Variants in SLC8A3 observed in about 807,000 individuals in gnomAD.
The protein encoded by SLC8A3 is sodium/calcium exchanger 3.
A neutral mutation model predicts 65.4 loss-of-function variants in SLC8A3; 37 were observed. The observed-to-expected ratio is 0.57, with a 90% CI of 0.44 to 0.74. The LOEUF (loss-of-function observed/expected upper bound fraction) is 0.74, where lower values mean the gene tolerates loss of function less well. SLC8A3 is among the 30% of genes least tolerant of loss of function. The pLI is 0.00. For missense variants in SLC8A3, 1,112 were observed against 1,172.1 expected (o/e 0.95, Z 0.75); for synonymous variants, 461 against 444.5 (o/e 1.04, Z -0.47).
At chr14:70,131,757 A>G (rs1218186628) in intron 2 of SLC8A3, among the ~76,000 whole-genome samples, 1 of 152,226 alleles carries the variant, frequency 6.6e-6, no homozygotes, top group African/African-American at 2.4e-5. Context: ...TATATGCGTG[A>G]AAATCAGGTT....
chr14:70,132,298 T>C (rs1894890508), intron 2 of SLC8A3, among the ~76,000 whole-genome samples: 1 of 152,242 alleles, frequency 6.6e-6, no homozygotes, highest in Non-Finnish European at 1.5e-5. Flanking sequence ...TTCACTGTAA[T>C]ATTTGGGAGC....
chr14:70,121,853 A>G (rs1004245046), intron 2 of SLC8A3, among the ~76,000 whole-genome samples: 9 of 152,146 alleles, frequency 5.9e-5, no homozygotes, highest in African/African-American at 9.7e-5. Context: ...AAAAACAAAC[A>G]AACAATTCTG....
chr14:70,133,759 G>A (rs1160355109), intron 2 of SLC8A3, among the ~76,000 whole-genome samples: 1 of 152,146 alleles, frequency 6.6e-6, no homozygotes, highest in Non-Finnish European at 1.5e-5. Context: ...ACAATTCTGG[G>A]GCTTGGGAGA....
At chr14:70,088,886 T>A (rs1210286296) in intron 2 of SLC8A3, among the ~76,000 whole-genome samples, 1 of 152,182 alleles carries the variant, frequency 6.6e-6, no homozygotes, top group Admixed American at 6.5e-5. Flanking sequence ...TTTTACCTAC[T>A]TCTACCTCAT....
intron 1 of SLC8A3, among the ~76,000 whole-genome samples, chr14:70,179,533 G>A (rs550333125): frequency 6.6e-6 from 1 of 152,164 alleles, no homozygotes; most frequent in East Asian, 1.9e-4. Context: ...TTCCTGGCAA[G>A]CCTTAGGGTA....
At chr14:70,061,950 C>A (rs1015016980) in intron 2 of SLC8A3, among the ~76,000 whole-genome samples, 5 of 152,112 alleles carry the variant, frequency 3.3e-5, no homozygotes, top group African/African-American at 1.2e-4. Context: ...TCACTGCCCT[C>A]CAAAGACTGG....
rs1340068216 is a variant in SLC8A3, at chr14:70,076,143, T to C, written c.1785-15204A>G. Among the ~76,000 whole-genome samples the C allele has an allele frequency of 2.6e-5, 4 of 152,312 alleles. No individual in the cohort carries two copies. The East Asian group carries it at 7.7e-4, about 29-fold the overall frequency. On this transcript the variant is annotated intron_variant, in intron 2 of 6. Coordinates refer to ENST00000356921, the MANE Select transcript of SLC8A3 (RefSeq NM_182932.3). ...CAAATATCTTGTCCTCATTCCTGCC[T>C]CAGGGCCTCTGCACTACCTGCTTCC... is the stretch of plus-strand genomic sequence containing the variant.
chr14:70,175,344 G>A (rs1897833657), intron 1 of SLC8A3, among the ~76,000 whole-genome samples: 1 of 152,118 alleles, frequency 6.6e-6, no homozygotes, highest in South Asian at 2.1e-4. Context: ...GAGGAGATAG[G>A]GGCCTCAAAG....
intron 2 of SLC8A3, among the ~76,000 whole-genome samples, chr14:70,146,472 G>A (rs906530732): frequency 6.6e-6 from 1 of 152,152 alleles, no homozygotes; most frequent in African/African-American, 2.4e-5. Context: ...ACGAAGCCCA[G>A]CAAGGGAAAA....
intron 2 of SLC8A3, among the ~76,000 whole-genome samples, chr14:70,118,829 TACAC>T (rs143481773): frequency 6.6e-6 from 1 of 151,964 alleles, no homozygotes; most frequent in Non-Finnish European, 1.5e-5. Context: ...CAAGCAGTTG[TACAC>T]ACACACACAA....
At chr14:70,155,989 T>A (rs1470174327) in intron 2 of SLC8A3, among the ~76,000 whole-genome samples, 2 of 152,214 alleles carry the variant, frequency 1.3e-5, no homozygotes, top group Non-Finnish European at 2.9e-5. Context: ...CATCATAATA[T>A]CACTAGCTAT....
chr14:70,127,586 G>A (rs1431606980), intron 2 of SLC8A3, among the ~76,000 whole-genome samples: 6 of 152,178 alleles, frequency 3.9e-5, no homozygotes, highest in Admixed American at 3.3e-4. Flanking sequence ...TTTTCCCTGT[G>A]CTGGATTTCC....
chr14:70,152,971 T>A (rs768221741), intron 2 of SLC8A3, among the ~76,000 whole-genome samples: 1 of 152,146 alleles, frequency 6.6e-6, no homozygotes, highest in Non-Finnish European at 1.5e-5. Context: ...CAGAGGTAGC[T>A]GAGCAGCACA....
In SLC8A3 at chr14:70,069,845, C is replaced by T. The variant is rs563654412; in HGVS notation, c.1785-8906G>A. ...CTCAAACTTTAATGTGCACATGAAT[C>T]ACCCAAGCATCTTGTTAATGTGTGG... On this transcript the variant is annotated intron_variant, in intron 2 of 6. Transcript: ENST00000356921. Among the ~76,000 whole-genome samples the T allele has an allele frequency of 2.6e-5, 4 of 152,300 alleles. No homozygotes were observed. The East Asian group carries it at 5.8e-4, about 22-fold the overall frequency.
chr14:70,050,901 AAC>A, intron 5 of SLC8A3, 105 bp downstream of exon 5: 1 of 688,382 alleles, frequency 1.5e-6, no homozygotes, highest in Non-Finnish European at 2.6e-6. Flanking sequence ...GGGAAGACTG[AAC>A]ACACAAGCCT....
chr14:70,060,081 G>A (rs1193173109), intron 3 of SLC8A3: 1 of 152,906 alleles, frequency 6.5e-6, no homozygotes, highest in African/African-American at 2.4e-5. Flanking sequence ...TACCCCAGAA[G>A]TCAACTCTCT....
intron 2 of SLC8A3, among the ~76,000 whole-genome samples, chr14:70,105,058 G>A (rs1045082056): frequency 1.3e-5 from 2 of 152,156 alleles, no homozygotes; most frequent in Admixed American, 6.5e-5. Flanking sequence ...GGCCAGGCGC[G>A]GTGGCTCACG....
intron 2 of SLC8A3, 108 bp downstream of exon 2, chr14:70,166,531 G>T (rs1208762814): frequency 2.9e-6 from 2 of 701,270 alleles, no homozygotes; most frequent in Middle Eastern, 3.5e-4. Flanking sequence ...ACCAAAGTTT[G>T]ACATTAACAC....
chr14:70,164,645 A>G (rs1175986681), intron 2 of SLC8A3, among the ~76,000 whole-genome samples: 2 of 152,244 alleles, frequency 1.3e-5, no homozygotes, highest in African/African-American at 4.8e-5. Context: ...GAGGAAATTA[A>G]TAGAATGAAC....
Sources: allele counts gnomAD v4.1 joint callset (sites outside exome capture counted in the v4.1 genomes callset), GRCh38; gene constraint gnomAD v4.1.1; transcripts MANE v1.5; gene names NCBI Gene and HGNC (gene_info 2026-07-23, HGNC 2026-07-21).